NLGN4X: variants seen among roughly 807,000 people sequenced by gnomAD.
The protein encoded by NLGN4X is neuroligin 4 X-linked.
Under a neutral mutation model 40.3 loss-of-function variants are expected in NLGN4X, and 3 were observed. That is an observed-to-expected ratio of 0.07 (90% CI 0.03 to 0.19). NLGN4X has a LOEUF of 0.19. NLGN4X is among the 10% of genes least tolerant of loss of function. The pLI, the probability that NLGN4X is intolerant of heterozygous loss-of-function variation, is 1.00. For missense variants in NLGN4X, 382 were observed against 708.3 expected (o/e 0.54, Z 5.23); for synonymous variants, 270 against 306.8 (o/e 0.88, Z 1.25).
chrX:5,933,377 C>CT (rs376258621), intron 3 of NLGN4X, among the ~76,000 whole-genome samples: 5,114 of 111,143 alleles, frequency 0.046, 303 homozygotes, highest in African/African-American at 0.16. Context: ...TTAAATAGCA[C>CT]TAGGGGTGGG....
intron 3 of NLGN4X, among the ~76,000 whole-genome samples, chrX:5,926,551 T>C (rs1194208626): frequency 9.0e-6 from 1 of 110,530 alleles, no homozygotes; most frequent in Admixed American, 9.8e-5. Flanking sequence ...GGCCTAGTAA[T>C]ATAACCAGTG....
chrX:6,141,863 A>G (rs1223816137), intron 2 of NLGN4X, among the ~76,000 whole-genome samples: 1 of 111,785 alleles, frequency 8.9e-6, no homozygotes, highest in African/African-American at 3.2e-5. Flanking sequence ...AAAAATTAAT[A>G]GCTTGGCTAA....
At chrX:6,072,909 A>G (rs2038104049) in intron 2 of NLGN4X, among the ~76,000 whole-genome samples, 1 of 112,508 alleles carries the variant, frequency 8.9e-6, no homozygotes, top group Admixed American at 9.4e-5. Flanking sequence ...CTTTACTGCC[A>G]TATTCATTGT....
intron 2 of NLGN4X, among the ~76,000 whole-genome samples, chrX:6,049,779 G>A (rs1485284603): frequency 9.5e-6 from 1 of 104,910 alleles, no homozygotes; most frequent in Non-Finnish European, 1.9e-5. Flanking sequence ...CTCAAATGAA[G>A]AAAATAATGC....
intron 3 of NLGN4X, among the ~76,000 whole-genome samples, chrX:5,926,732 A>T (rs2033332319): frequency 9.2e-6 from 1 of 108,849 alleles, no homozygotes; most frequent in Non-Finnish European, 1.9e-5. Flanking sequence ...TTATACATAC[A>T]TACACATGCA....
chrX:6,013,821 C>A (rs892249586), intron 3 of NLGN4X, among the ~76,000 whole-genome samples: 1 of 110,512 alleles, frequency 9.0e-6, no homozygotes, highest in Non-Finnish European at 1.9e-5. Flanking sequence ...TATGACACTG[C>A]ACTCCAACCT....
intron 3 of NLGN4X, among the ~76,000 whole-genome samples, chrX:6,012,934 T>C (rs182728234): frequency 4.2e-4 from 47 of 112,104 alleles, no homozygotes; most frequent in East Asian, 2.5e-3. Context: ...TCATTTGTTA[T>C]GGCCGCTCTA....
At chrX:6,026,687 C>T (rs1024272664) in intron 3 of NLGN4X, among the ~76,000 whole-genome samples, 1 of 111,576 alleles carries the variant, frequency 9.0e-6, no homozygotes, top group Non-Finnish European at 1.9e-5. Context: ...TCCACACTAG[C>T]TCATTGGAGG....
At chrX:5,970,924 C>T (rs2035003897) in intron 3 of NLGN4X, among the ~76,000 whole-genome samples, 1 of 111,103 alleles carries the variant, frequency 9.0e-6, no homozygotes, top group African/African-American at 3.3e-5. Context: ...TAATTCAATC[C>T]AACTTCTCTT....
intron 3 of NLGN4X, among the ~76,000 whole-genome samples, chrX:6,013,103 G>C (rs939492907): frequency 1.4e-4 from 16 of 111,242 alleles, no homozygotes; most frequent in African/African-American, 4.9e-4. Flanking sequence ...TTCTACCGTA[G>C]AGCTCTACTG....
intron 2 of NLGN4X, among the ~76,000 whole-genome samples, chrX:6,098,121 A>G (rs1289955117): frequency 1.7e-4 from 19 of 111,259 alleles, no homozygotes; most frequent in African/African-American, 5.9e-4. Flanking sequence ...TTGTAGAGAC[A>G]GCCTTGCCTC....
intron 1 of NLGN4X, among the ~76,000 whole-genome samples, chrX:6,211,538 T>C (rs1282363396): frequency 1.8e-5 from 2 of 111,874 alleles, no homozygotes; most frequent in African/African-American, 6.5e-5. Flanking sequence ...GAGATATATA[T>C]AGATCTAGAC....
chrX:6,116,315 A>C lies in NLGN4X; in HGVS notation c.472+34680T>G, dbSNP rs868226355. 4.0e-3 allele frequency among the ~76,000 whole-genome samples: 374 copies of C among 94,240 alleles called. 18 individuals are homozygous for C. The highest frequency in any genetic ancestry group is 0.015 in the African/African-American group (350 of 23,435). 81.8% of individuals were successfully genotyped at this position (94,240 alleles called of 115,157 possible). A position where few individuals can be genotyped will look rare whatever the true frequency, so the allele number is the denominator to read the frequency against. ...CAAAAAAAAAAAAAAAAAAAAAAAA[A>C]AACACTGTGAAAGAGCGGAAACTTT... On this transcript the variant is annotated intron_variant, in intron 2 of 5. Transcript: ENST00000381095.
At chrX:6,001,702 T>C (rs1009743601) in intron 3 of NLGN4X, among the ~76,000 whole-genome samples, 1 of 109,541 alleles carries the variant, frequency 9.1e-6, no homozygotes, top group South Asian at 4.0e-4. Flanking sequence ...TTTTTTTAAA[T>C]ATGGAAACCA....
chrX:6,168,752 G>A (rs1166368521), intron 1 of NLGN4X, among the ~76,000 whole-genome samples: 1 of 111,382 alleles, frequency 9.0e-6, no homozygotes, highest in Non-Finnish European at 1.9e-5. Flanking sequence ...GATTATAGGC[G>A]TGAGCCACTG....
At chrX:6,119,959 A>G (rs1444939102) in intron 2 of NLGN4X, among the ~76,000 whole-genome samples, 3 of 111,611 alleles carry the variant, frequency 2.7e-5, no homozygotes, top group Non-Finnish European at 5.6e-5. Context: ...AAATTAATTA[A>G]CCTACTGAAA....
intron 2 of NLGN4X, among the ~76,000 whole-genome samples, chrX:6,095,706 C>T (rs976278257): frequency 4.5e-5 from 5 of 111,813 alleles, no homozygotes; most frequent in Admixed American, 1.9e-4. Flanking sequence ...CTTGGCAATG[C>T]CTGCAGGTAG....
At chrX:6,082,746 G>A (rs1184160728) in intron 2 of NLGN4X, among the ~76,000 whole-genome samples, 2 of 109,503 alleles carry the variant, frequency 1.8e-5, no homozygotes, top group Admixed American at 9.8e-5. Flanking sequence ...TCGGAAGGCA[G>A]CTCCCGGGCA....
chrX:6,223,810 A>G (rs769388213), intron 1 of NLGN4X, among the ~76,000 whole-genome samples: 93 of 113,077 alleles, frequency 8.2e-4, no homozygotes, highest in Non-Finnish European at 1.5e-3. Context: ...CAGGAGTTTA[A>G]GAAATCAGTG....
Sources: allele counts gnomAD v4.1 joint callset (sites outside exome capture counted in the v4.1 genomes callset), GRCh38; gene constraint gnomAD v4.1.1; transcripts MANE v1.5; gene names NCBI Gene and HGNC (gene_info 2026-07-23, HGNC 2026-07-21).